ABCC4: variants seen among roughly 807,000 people sequenced by gnomAD.
ABCC4 encodes the protein ATP binding cassette subfamily C member 4 (PEL blood group).
In ABCC4, 102 loss-of-function variants were observed where a neutral mutation model predicts 168.5. The observed-to-expected ratio is 0.61, with a 90% confidence interval of 0.52 to 0.71. The LOEUF is 0.71. Ranked by LOEUF, ABCC4 falls within the 30% of genes least tolerant of loss-of-function variation. The pLI, the probability that ABCC4 is intolerant of heterozygous loss-of-function variation, is 0.00. For missense variants in ABCC4, 1,402 were observed against 1,605.8 expected (o/e 0.87, Z 2.17); for synonymous variants, 617 against 590.7 (o/e 1.04, Z -0.65).
At chr13:95,281,409 G>C (rs1047400049) in intron 1 of ABCC4, among the ~76,000 whole-genome samples, 1 of 150,784 alleles carries the variant, frequency 6.6e-6, no homozygotes, top group African/African-American at 2.4e-5. Flanking sequence ...TTTTGCCCAA[G>C]ACACACCTCA....
intron 19 of ABCC4, among the ~76,000 whole-genome samples, chr13:95,156,643 T>C (rs2036866064): frequency 6.6e-6 from 1 of 152,048 alleles, no homozygotes; most frequent in Non-Finnish European, 1.5e-5. Flanking sequence ...CCTATTCAAC[T>C]CAGGTCATAA....
At chr13:95,272,409 G>C (rs978541311) in intron 1 of ABCC4, among the ~76,000 whole-genome samples, 5 of 152,060 alleles carry the variant, frequency 3.3e-5, no homozygotes, top group African/African-American at 1.2e-4. Flanking sequence ...AATTTATACT[G>C]TTCATTTGCC....
chr13:95,278,119 CAGG>C (rs2041017411), intron 1 of ABCC4, among the ~76,000 whole-genome samples: 1 of 145,864 alleles, frequency 6.9e-6, no homozygotes, highest in African/African-American at 2.5e-5. Context: ...GCACAGGTTA[CAGG>C]TTATTTCTGA....
intron 19 of ABCC4, among the ~76,000 whole-genome samples, chr13:95,140,933 A>C (rs762202136): frequency 6.6e-6 from 1 of 152,236 alleles, no homozygotes. Flanking sequence ...TCTGCACGAC[A>C]TCAAAGTCCT....
intron 19 of ABCC4, among the ~76,000 whole-genome samples, chr13:95,132,278 T>A (rs2035993211): frequency 1.3e-5 from 2 of 152,174 alleles, no homozygotes; most frequent in Non-Finnish European, 2.9e-5. Flanking sequence ...TGTAGTGGCG[T>A]GATCTCGGCT....
intron 3 of ABCC4, among the ~76,000 whole-genome samples, chr13:95,244,214 G>C (rs1427982300): frequency 6.6e-6 from 1 of 152,036 alleles, no homozygotes; most frequent in Non-Finnish European, 1.5e-5. Flanking sequence ...GACTGAATCT[G>C]GGCTCTGTCA....
rs117797426 is a variant in ABCC4 at position 95,218,649 on chromosome 13, C to G, written c.532-7868G>C. On this transcript the variant is annotated intron_variant, in intron 4 of 30. Coordinates refer to ENST00000645237, the MANE Select transcript of ABCC4 (RefSeq NM_005845.5). ...GCAAGATCACATGAGCCCAGGAGTT[C>G]AAGACTAGACTGGGCAACGTAGTGA... 2.4e-3 allele frequency among the ~76,000 whole-genome samples: 362 copies of G among 151,898 alleles called. 20 individuals are homozygous for G. The East Asian group carries it at 0.065, about 27-fold the overall frequency.
chr13:95,029,207 TATATATAGAG>T (rs1231397500), intron 30 of ABCC4, among the ~76,000 whole-genome samples: 3 of 52,318 alleles, frequency 5.7e-5, no homozygotes, highest in African/African-American at 2.2e-4. Context: ...TATATATATA[TATATATAGAG>T]AGAGAGAGAG....
At chr13:95,288,406 A>G (rs1482168808) in intron 1 of ABCC4, among the ~76,000 whole-genome samples, 1 of 152,252 alleles carries the variant, frequency 6.6e-6, no homozygotes, top group East Asian at 1.9e-4. Context: ...CATTGAAGAT[A>G]CTGGTTTCTG....
At chr13:95,063,659 C>T (rs952311329) in intron 25 of ABCC4, among the ~76,000 whole-genome samples, 2 of 152,164 alleles carry the variant, frequency 1.3e-5, no homozygotes, top group African/African-American at 4.8e-5. Context: ...CCTTGAGAAA[C>T]ATTTGTGTCA....
intron 8 of ABCC4, among the ~76,000 whole-genome samples, chr13:95,203,256 C>T (rs2038682216): frequency 1.3e-5 from 2 of 151,822 alleles, no homozygotes; most frequent in South Asian, 2.1e-4. Flanking sequence ...TTTTATTAAC[C>T]AAGTAAGACT....
chr13:95,034,836 G>T lies in ABCC4; in HGVS notation c.3736-97C>A, dbSNP rs145337040. 7.4e-4 allele frequency: 1,146 copies of T among 1,551,178 alleles called. 1 individual carries two copies. Among genetic ancestry groups the T allele is most frequent in the Admixed American group, 1.6e-3 (88 of 56,284 alleles). ...TTCGGAAAGGGGCAGGAGAGGGAGA[G>T]AATCTGTTTGGGTGGTAGGCCTGGA... On this transcript the variant is annotated intron_variant, in intron 29 of 30. Coordinates refer to ENST00000645237, the MANE Select transcript of ABCC4 (RefSeq NM_005845.5).
At chr13:95,242,748 T>C (rs1022217909) in intron 3 of ABCC4, among the ~76,000 whole-genome samples, 1 of 152,294 alleles carries the variant, frequency 6.6e-6, no homozygotes, top group Middle Eastern at 3.4e-3. Flanking sequence ...GATGTTACAC[T>C]CACTACCTTC....
Position 95,210,789 on chromosome 13 carries a change from A to G in ABCC4, c.532-8T>C, listed in dbSNP as rs762577453. The stretch of plus-strand genomic sequence containing the variant: ...GTTACTAAGACGAAGTGCCTGAAAT[A>G]AAAGAGGTAAGTAGAGAATTGTATT... On this transcript the variant is annotated splice_polypyrimidine_tract_variant and splice_region_variant and intron_variant, in intron 4 of 30. Coordinates refer to ENST00000645237, the MANE Select transcript of ABCC4 (RefSeq NM_005845.5). 2.1e-5 allele frequency: 33 copies of G among 1,607,124 alleles called. No individual in the cohort carries two copies. The South Asian group carries it at 3.6e-4, about 18-fold the overall frequency.
intron 25 of ABCC4, among the ~76,000 whole-genome samples, chr13:95,064,505 A>G (rs1239978720): frequency 1.8e-5 from 1 of 57,084 alleles, no homozygotes; most frequent in African/African-American, 5.9e-5. Flanking sequence ...ACACACGTGT[A>G]TGTGTGTATG....
chr13:95,050,893 T>A (rs1001443749), intron 27 of ABCC4, among the ~76,000 whole-genome samples: 14 of 152,236 alleles, frequency 9.2e-5, no homozygotes, highest in Non-Finnish European at 1.5e-4. Flanking sequence ...TTTTGCTCTC[T>A]GAGAATCTGT....
chr13:95,206,455 A>G, intron 8 of ABCC4, 77 bp downstream of exon 8: 1 of 1,559,234 alleles, frequency 6.4e-7, no homozygotes, highest in Admixed American at 1.7e-5. Flanking sequence ...ACACTGGAAC[A>G]TAGTGATGCT....
intron 8 of ABCC4, among the ~76,000 whole-genome samples, chr13:95,196,762 A>G (rs1415294062): frequency 1.3e-5 from 2 of 151,844 alleles, no homozygotes; most frequent in African/African-American, 2.4e-5. Context: ...GGAAAGAAAG[A>G]AAAAAGACCA....
intron 4 of ABCC4, among the ~76,000 whole-genome samples, chr13:95,233,396 G>C (rs2039678709): frequency 6.6e-6 from 1 of 151,614 alleles, no homozygotes; most frequent in Non-Finnish European, 1.5e-5. Flanking sequence ...ATTAACGCAG[G>C]AACAGAAAAC....
Sources: gnomAD v4.1 joint callset for allele counts (sites outside exome capture counted in the v4.1 genomes callset) on GRCh38, gnomAD v4.1.1 for gene constraint, MANE v1.5 for transcripts, NCBI Gene and HGNC (gene_info 2026-07-23, HGNC 2026-07-21) for gene names.